The following CECR2 variants were observed in gnomAD, a reference collection of about 807,000 sequenced individuals.
CECR2 encodes the protein chromatin remodeling regulator CECR2.
In CECR2, 30 loss-of-function variants were observed where a neutral mutation model predicts 154.5. That is an observed-to-expected ratio of 0.19 (90% confidence interval 0.15 to 0.26). The LOEUF (loss-of-function observed/expected upper bound fraction) is 0.26. Among genes scored for constraint, CECR2 ranks in the 10% least tolerant of loss-of-function variants. The pLI, the probability that CECR2 is intolerant of heterozygous loss-of-function variation, is 1.00. For missense variants in CECR2, 1,743 were observed against 1,829.3 expected, an observed-to-expected ratio of 0.95 and a Z score of 0.86; for synonymous variants, 725 against 683.7, an observed-to-expected ratio of 1.06 and a Z score of -0.94.
chr22:17,388,736 A>G (rs536483666), intron 1 of CECR2, among the ~76,000 whole-genome samples: 1 of 152,322 alleles, frequency 6.6e-6, no homozygotes, highest in South Asian at 2.1e-4. Context: ...TATGTTAATA[A>G]CTGTTAAGAG....
intron 8 of CECR2, among the ~76,000 whole-genome samples, chr22:17,514,390 T>C (rs777965199): frequency 3.3e-5 from 5 of 152,190 alleles, no homozygotes; most frequent in African/African-American, 4.8e-5. Flanking sequence ...AGGGGTTCTG[T>C]TGAATCGTCC....
chr22:17,490,131 CCTTA>C (rs1306504478), intron 2 of CECR2, among the ~76,000 whole-genome samples: 2 of 141,974 alleles, frequency 1.4e-5, no homozygotes, highest in South Asian at 2.3e-4. Flanking sequence ...GAGATCTGTT[CCTTA>C]CTGTTTTTTT....
At chr22:17,413,123 G>C (rs893484275) in intron 1 of CECR2, among the ~76,000 whole-genome samples, 1 of 152,168 alleles carries the variant, frequency 6.6e-6, no homozygotes, top group Non-Finnish European at 1.5e-5. Context: ...GGAGTCAGTG[G>C]TGAGGCTGGT....
At chr22:17,364,268 G>A (rs1270761712) in intron 1 of CECR2, among the ~76,000 whole-genome samples, 1 of 147,104 alleles carries the variant, frequency 6.8e-6, no homozygotes, top group Non-Finnish European at 1.5e-5. Context: ...GCGTGAACCT[G>A]GGAGGCGGAG....
chr22:17,382,203 C>A (rs953890129), intron 1 of CECR2, among the ~76,000 whole-genome samples: 2 of 151,998 alleles, frequency 1.3e-5, no homozygotes, highest in Non-Finnish European at 2.9e-5. Context: ...GAGCCCCTTC[C>A]TCATAGAGAC....
At chr22:17,399,037 C>G (rs975443448) in intron 1 of CECR2, among the ~76,000 whole-genome samples, 2 of 152,152 alleles carry the variant, frequency 1.3e-5, no homozygotes, top group African/African-American at 4.8e-5. Flanking sequence ...CTGGATCTGT[C>G]TACTCAATCA....
intron 1 of CECR2, among the ~76,000 whole-genome samples, chr22:17,378,349 T>C (rs541000210): frequency 6.7e-6 from 1 of 150,336 alleles, no homozygotes; most frequent in South Asian, 2.1e-4. Context: ...CAGGCTGGAG[T>C]GCAGTGGCAC....
intron 7 of CECR2, among the ~76,000 whole-genome samples, chr22:17,509,987 TG>T (rs2055913690): frequency 6.6e-6 from 1 of 152,200 alleles, no homozygotes; most frequent in South Asian, 2.1e-4. Flanking sequence ...ACCTTTTTTT[TG>T]TTTGTTTAAA....
intron 1 of CECR2, among the ~76,000 whole-genome samples, chr22:17,395,329 G>T (rs373502895): frequency 6.6e-6 from 1 of 151,754 alleles, no homozygotes; most frequent in African/African-American, 2.4e-5. Flanking sequence ...CACCCGGCTC[G>T]AATAGAATCT....
At chr22:17,399,296 G>A (rs2053857502) in intron 1 of CECR2, among the ~76,000 whole-genome samples, 1 of 152,122 alleles carries the variant, frequency 6.6e-6, no homozygotes, top group Non-Finnish European at 1.5e-5. Context: ...ATTTTGGTGA[G>A]GCAAGTTCTC....
intron 1 of CECR2, among the ~76,000 whole-genome samples, chr22:17,418,508 A>G (rs1052663432): frequency 1.3e-5 from 2 of 152,150 alleles, no homozygotes; most frequent in African/African-American, 2.4e-5. Flanking sequence ...ATCCGTTCAC[A>G]TACTTTCCTA....
chr22:17,381,417 T>TA (rs1393348093), intron 1 of CECR2, among the ~76,000 whole-genome samples: 25 of 152,308 alleles, frequency 1.6e-4, no homozygotes, highest in Admixed American at 4.6e-4. Flanking sequence ...TCATCTTGCA[T>TA]AGGCCAGTTT....
At chr22:17,519,367 C>G (rs1281362685) in intron 8 of CECR2, among the ~76,000 whole-genome samples, 3 of 150,426 alleles carry the variant, frequency 2.0e-5, no homozygotes, top group South Asian at 4.2e-4. Flanking sequence ...TCTCAGCTTA[C>G]TGCAACCTCT....
rs933341974 is a variant in CECR2, at chr22:17,371,727, G to C, written c.126+1818G>C. The stretch of plus-strand genomic sequence containing the variant: ...TTCTTCCTTGCGAGATAAAGTTGAG[G>C]TGGTGCTGGGATTATGAGTTCAGAG... On this transcript the variant is annotated intron_variant, in intron 1 of 18. Coordinates refer to ENST00000262608, the MANE Select transcript of CECR2 (RefSeq NM_001290047.2). 1.8e-4 allele frequency among the ~76,000 whole-genome samples: 28 copies of C among 152,162 alleles called. 1 individual carries two copies. The highest frequency in any genetic ancestry group is 1.7e-3 in the Admixed American group (26 of 15,270).
At chr22:17,431,323 A>G (rs2054418498) in intron 1 of CECR2, among the ~76,000 whole-genome samples, 2 of 152,234 alleles carry the variant, frequency 1.3e-5, no homozygotes, top group African/African-American at 4.8e-5. Flanking sequence ...GCTATTTCAA[A>G]TGAAGACAAT....
chr22:17,526,585 T>C lies in CECR2; in HGVS notation c.1108+2314T>C, dbSNP rs1444718427. On this transcript the variant is annotated intron_variant, in intron 9 of 18. Coordinates refer to ENST00000262608, the MANE Select transcript of CECR2 (RefSeq NM_001290047.2). ...CAGCACTTTGGGAGGCCAAGGCGGG[T>C]GAATTACAAGGTCAAGAGTTCAAGG... is the stretch of plus-strand genomic sequence containing the variant. 2.0e-5 allele frequency among the ~76,000 whole-genome samples: 3 copies of C among 150,754 alleles called. No homozygotes were observed. The East Asian group carries it at 5.9e-4, about 29-fold the overall frequency.
chr22:17,417,752 G>A (rs182802699), intron 1 of CECR2, among the ~76,000 whole-genome samples: 1,757 of 152,154 alleles, frequency 0.012, 18 homozygotes, highest in Non-Finnish European at 0.018. Flanking sequence ...CCTAGTAGCT[G>A]GGACTATAGA....
intron 1 of CECR2, among the ~76,000 whole-genome samples, chr22:17,415,397 G>A (rs184953268): frequency 2.6e-5 from 4 of 152,056 alleles, no homozygotes; most frequent in Admixed American, 6.5e-5. Flanking sequence ...GCGCGCCACC[G>A]TGCCTGGCTA....
intron 8 of CECR2, chr22:17,518,784 C>T (rs774531605): frequency 7.8e-5 from 27 of 344,008 alleles, no homozygotes; most frequent in Non-Finnish European, 1.3e-4. Flanking sequence ...TATTCTTTTG[C>T]AGAGCCAGTT....
Sources: allele counts gnomAD v4.1 joint callset (sites outside exome capture counted in the v4.1 genomes callset), GRCh38; gene constraint gnomAD v4.1.1; transcripts MANE v1.5; gene names NCBI Gene and HGNC (gene_info 2026-07-23, HGNC 2026-07-21).